The following NFIC variants were observed in gnomAD, a reference collection of about 807,000 sequenced individuals.
NFIC encodes the protein nuclear factor I C.
In NFIC, 12 loss-of-function variants were observed where a neutral mutation model predicts 54.4. The observed-to-expected ratio is 0.22, with a 90% CI of 0.14 to 0.36. NFIC has a LOEUF of 0.36. Ranked by LOEUF, NFIC falls within the 10% of genes least tolerant of loss-of-function variation. The pLI, the probability that NFIC is intolerant of heterozygous loss-of-function variation, is 1.00. For synonymous variants in NFIC, 322 were observed against 319.2 expected (o/e 1.01, Z -0.09); for missense variants, 575 against 718.2 (o/e 0.80, Z 2.28).
rs2081806760 is a variant in NFIC, at chr19:3,413,904, C to G, written c.563-11202C>G. On this transcript the variant is annotated intron_variant, in intron 2 of 10. Transcript: ENST00000443272. ...CTCCCACCTCAGCCTCCCAACCTCC[C>G]TAGCATTTCAACGACCTGAAGTGAC... 2.0e-5 allele frequency among the ~76,000 whole-genome samples: 3 copies of G among 152,124 alleles called. No individual in the cohort carries two copies. In the Middle Eastern group the frequency reaches 0.01, roughly 517 times the overall value.
At chr19:3,451,767 A>C (rs112141181) in intron 7 of NFIC, among the ~76,000 whole-genome samples, 1 of 151,192 alleles carries the variant, frequency 6.6e-6, no homozygotes, top group Non-Finnish European at 1.5e-5. Flanking sequence ...GTGTGGCCCC[A>C]GGCAGGTGAC....
At chr19:3,404,293 G>A (rs1239578068) in intron 2 of NFIC, among the ~76,000 whole-genome samples, 1 of 151,786 alleles carries the variant, frequency 6.6e-6, no homozygotes, top group Non-Finnish European at 1.5e-5. Flanking sequence ...CCCGGGTGGC[G>A]TTGACACATT....
chr19:3,434,345 C>G lies in NFIC; in HGVS notation c.778C>G (p.Leu260Val), dbSNP rs769153266. The G allele has an allele frequency of 6.2e-7, 1 of 1,613,602 alleles. No individual in the cohort carries two copies. Among genetic ancestry groups the G allele is most frequent in the Non-Finnish European group, 8.5e-7 (1 of 1,179,914 alleles). Residue 260 changes from leucine to valine, a missense_variant, in exon 5 of 11, where the codon CTG becomes GTG. Coordinates refer to ENST00000443272, the MANE Select transcript of NFIC (RefSeq NM_001245002.2). ...GCTGCAGGGGCACCTGGCATACGAC[C>G]TGAACCCAGCCAGCACTGGCCTCAG... ...GELQGHLAYD[L>V]NPASTGLRRT...
At position 3,375,618 on chromosome 19, in the gene NFIC, G is replaced by A. The variant is rs1042026602; in HGVS notation, c.31-6094G>A. 9.9e-5 allele frequency among the ~76,000 whole-genome samples: 15 copies of A among 152,228 alleles called. No individual in the cohort carries two copies. Among genetic ancestry groups the A allele is most frequent in the Admixed American group, 5.9e-4 (9 of 15,284 alleles). ...GTCCGGTCCCCGCCGCAGCTGTTAC[G>A]GTGACTCACGCTTTGGGGGACATTG... is the stretch of plus-strand genomic sequence containing the variant. On this transcript the variant is annotated intron_variant, in intron 1 of 10. Coordinates refer to ENST00000443272, the MANE Select transcript of NFIC (RefSeq NM_001245002.2). This position sits in a 1 kb window ranked among gnomAD's most constrained non-coding sequence, Gnocchi z 4.6.
intron 2 of NFIC, among the ~76,000 whole-genome samples, chr19:3,386,127 C>G (rs1568412172): frequency 6.6e-6 from 1 of 151,594 alleles, no homozygotes; most frequent in Non-Finnish European, 1.5e-5. Flanking sequence ...TGGCTCATGC[C>G]TGTAATCCCA....
intron 2 of NFIC, among the ~76,000 whole-genome samples, chr19:3,394,520 CCCA>C (rs149704047): frequency 8.6e-5 from 4 of 46,712 alleles, no homozygotes; most frequent in East Asian, 1.1e-3. Context: ...CTTTTCCCCA[CCCA>C]CCCCCCACCC....
chr19:3,441,686 G>T (rs1327827378), intron 6 of NFIC, among the ~76,000 whole-genome samples: 1 of 152,234 alleles, frequency 6.6e-6, no homozygotes. Context: ...CAGAGGGGCC[G>T]GGGGCACAGG....
At position 3,421,002 on chromosome 19, in the gene NFIC, C is replaced by T. The variant is rs574233442; in HGVS notation, c.563-4104C>T. 5.9e-5 allele frequency among the ~76,000 whole-genome samples: 9 copies of T among 152,290 alleles called. 1 individual carries two copies. Among genetic ancestry groups the T allele is most frequent in the African/African-American group, 2.2e-4 (9 of 41,570 alleles). On this transcript the variant is annotated intron_variant, in intron 2 of 10. Coordinates refer to ENST00000443272, the MANE Select transcript of NFIC (RefSeq NM_001245002.2). ...CCTCCCATAGTGCTGGGAATACAGG[C>T]GTGAGCCACCGCGCCCAGCCAATGT...
intron 1 of NFIC, among the ~76,000 whole-genome samples, chr19:3,367,891 G>C (rs1260165855): frequency 6.6e-6 from 1 of 152,144 alleles, no homozygotes; most frequent in African/African-American, 2.4e-5. Flanking sequence ...GTGCAGTGAG[G>C]GACCCCCCAC....
intron 2 of NFIC, among the ~76,000 whole-genome samples, chr19:3,423,048 A>C (rs2081976799): frequency 6.6e-6 from 1 of 151,800 alleles, no homozygotes. Flanking sequence ...AAATACAAAA[A>C]TTAGCCAGGC....
intron 10 of NFIC, chr19:3,456,897 C>A: frequency 1.9e-6 from 1 of 533,266 alleles, no homozygotes; most frequent in African/African-American, 1.9e-5. Context: ...TGGAGACCAT[C>A]GTGGTACAGC....
intron 2 of NFIC, among the ~76,000 whole-genome samples, chr19:3,404,193 G>A (rs937927493): frequency 1.4e-5 from 2 of 142,992 alleles, no homozygotes; most frequent in African/African-American, 5.2e-5. Context: ...TGGGGGTGGG[G>A]GTGTGGGGAG....
At chr19:3,363,230 T>TGTGTGTGTGTGTGTGCGC (rs1406050027), upstream of NFIC, among the ~76,000 whole-genome samples, 22 of 57,458 alleles carry the variant, frequency 3.8e-4, no homozygotes, top group African/African-American at 9.8e-4. Flanking sequence ...TATATGTATG[T>TGTGTGTGTGTGTGTGCGC]GTATGTGTGT....
chr19:3,406,570 C>T lies in NFIC; in HGVS notation c.563-18536C>T, dbSNP rs550809640. On this transcript the variant is annotated intron_variant, in intron 2 of 10. Coordinates refer to ENST00000443272, the MANE Select transcript of NFIC (RefSeq NM_001245002.2). ...ACTGCTCTGTCCCCAGTACCTAGGA[C>T]AGGGCATGGTACACAGTAGGCGCTC... 1.3e-3 allele frequency among the ~76,000 whole-genome samples: 203 copies of T among 152,236 alleles called. 1 individual carries two copies. Among genetic ancestry groups the T allele is most frequent in the African/African-American group, 4.7e-3 (197 of 41,544 alleles).
intron 2 of NFIC, among the ~76,000 whole-genome samples, chr19:3,409,332 G>A (rs1278130444): frequency 1.3e-5 from 2 of 152,122 alleles, no homozygotes; most frequent in African/African-American, 2.4e-5. Context: ...GAGAGCCACC[G>A]TCACATCCTC....
intron 2 of NFIC, among the ~76,000 whole-genome samples, chr19:3,400,667 C>A (rs1472842303): frequency 3.9e-5 from 6 of 152,238 alleles, no homozygotes; most frequent in Non-Finnish European, 2.9e-5. Context: ...ATGGTGAAAC[C>A]CCGTTCCTAC....
At chr19:3,422,873 G>T (rs567588203) in intron 2 of NFIC, among the ~76,000 whole-genome samples, 1 of 151,874 alleles carries the variant, frequency 6.6e-6, no homozygotes, top group Non-Finnish European at 1.5e-5. Context: ...AACATTGCTC[G>T]TGGTTCTGAC....
rs1422061722 is a variant in NFIC at position 3,370,791 on chromosome 19, C to G, written c.30+4125C>G. ...GCTGGCCTCCCTCCCTGTCTCACAC[C>G]AAATGGATGGGAAATGCTGCCTGGG... On this transcript the variant is annotated intron_variant, in intron 1 of 10. Transcript: ENST00000443272. This position sits in a 1 kb window ranked among gnomAD's most constrained non-coding sequence, Gnocchi z 5.2. 2.0e-5 allele frequency among the ~76,000 whole-genome samples: 3 copies of G among 152,012 alleles called. No homozygotes were observed. Among genetic ancestry groups the G allele is most frequent in the Non-Finnish European group, 4.4e-5 (3 of 67,992 alleles).
Position 3,463,087 on chromosome 19 carries a change from A to ACC in NFIC, c.*320_*321dup. ...CCAGGCCCCGCCACCCCCACGGGAG[A>ACC]CCCGGGACAGGGCGTCTTCCTAAGT... On this transcript the variant is annotated 3_prime_UTR_variant, in exon 11 of 11. Coordinates refer to ENST00000443272, the MANE Select transcript of NFIC (RefSeq NM_001245002.2). 7.8e-7 allele frequency: 1 copy of ACC among 1,285,132 alleles called. No homozygotes were observed. Among genetic ancestry groups the ACC allele is most frequent in the African/African-American group, 1.5e-5 (1 of 65,174 alleles). The allele number at this position is 1,285,132 out of a possible 1,614,324, so 79.6% of individuals were successfully genotyped here. A position where few individuals can be genotyped will look rare whatever the true frequency, so the allele number is the denominator to read the frequency against.
Sources: gnomAD v4.1 joint callset for allele counts (sites outside exome capture counted in the v4.1 genomes callset) on GRCh38, gnomAD v4.1.1 for gene constraint, Gnocchi (gnomAD v3.1) non-coding constraint, MANE v1.5 for transcripts, NCBI Gene and HGNC (gene_info 2026-07-23, HGNC 2026-07-21) for gene names.